Variants in COL9A1 observed in about 807,000 individuals in gnomAD.
COL9A1 encodes collagen alpha-1(IX) chain.
COL9A1 carries 104 observed loss-of-function variants against 142.6 expected under a neutral mutation model. The observed-to-expected ratio is 0.73, with a 90% CI of 0.62 to 0.86. The LOEUF is 0.86. Ranked by LOEUF, COL9A1 falls within the 40% of genes least tolerant of loss-of-function variation. The pLI is 0.00. For synonymous variants in COL9A1, 466 were observed against 396.0 expected (o/e 1.18, Z -2.10); for missense variants, 1,210 against 1,176.6 (o/e 1.03, Z -0.42).
intron 13 of COL9A1, 61 bp downstream of exon 13, chr6:70,272,004 G>A (rs996688560): frequency 1.3e-6 from 2 of 1,511,892 alleles, no homozygotes; most frequent in Non-Finnish European, 1.8e-6. Flanking sequence ...ATAAGGTGGG[G>A]ATTTGAGAAA....
At chr6:70,258,957 T>C (rs9354910) in intron 20 of COL9A1, among the ~76,000 whole-genome samples, 21,223 of 152,178 alleles carry the variant, frequency 0.14, 1,694 homozygotes, top group Non-Finnish European at 0.18. Context: ...ATGGGATCTA[T>C]TGTCTGATAA....
At chr6:70,220,234 C>A (rs1043883589) in intron 37 of COL9A1, among the ~76,000 whole-genome samples, 2 of 152,004 alleles carry the variant, frequency 1.3e-5, no homozygotes, top group African/African-American at 4.8e-5. Context: ...ATTATTGAGC[C>A]CATTTTTCTC....
At chr6:70,247,237 G>T (rs1442554804) in intron 28 of COL9A1, among the ~76,000 whole-genome samples, 1 of 152,182 alleles carries the variant, frequency 6.6e-6, no homozygotes, top group African/African-American at 2.4e-5. Context: ...TTATAAACAA[G>T]TACTGGGTGT....
In COL9A1 at chr6:70,267,319, G is replaced by GTTTTTTTTTTTTTTTTT. The variant is rs1050364230; in HGVS notation, c.1288-550_1288-549insAAAAAAAAAAAAAAAAA. Among the ~76,000 whole-genome samples the GTTTTTTTTTTTTTTTTT allele has an allele frequency of 5.2e-4, 52 of 99,686 alleles. 2 individuals are homozygous for GTTTTTTTTTTTTTTTTT. Among genetic ancestry groups the GTTTTTTTTTTTTTTTTT allele is most frequent in the Non-Finnish European group, 7.9e-4 (36 of 45,704 alleles). 65.4% of individuals were successfully genotyped at this position (99,686 alleles called of 152,430 possible). On this transcript the variant is annotated intron_variant, in intron 17 of 37. Coordinates refer to ENST00000357250, the MANE Select transcript of COL9A1 (RefSeq NM_001851.6). ...TACATTTTTTGTTGTTGTTTGTTTG[G>GTTTTTTTTTTTTTTTTT]TTTTTTTGTTTTTTTTTTTTGAGAT...
intron 28 of COL9A1, chr6:70,246,135 A>G (rs1770589249): frequency 6.6e-6 from 1 of 152,216 alleles, no homozygotes; most frequent in Non-Finnish European, 1.5e-5. Context: ...TAAGAGGCTG[A>G]TGCGGACGGA....
chr6:70,274,259 T>C (rs1431267641), intron 11 of COL9A1, among the ~76,000 whole-genome samples, 177 bp from the exon 12 acceptor site: 1 of 152,018 alleles, frequency 6.6e-6, no homozygotes, highest in Non-Finnish European at 1.5e-5. Flanking sequence ...GTTTGTTACA[T>C]AGGTAAACAT....
In COL9A1 at chr6:70,232,606, G is replaced by A. The variant is rs1769619928; in HGVS notation, c.2480C>T (p.Ala827Val). 1.2e-6 allele frequency: 2 copies of A among 1,614,040 alleles called. No individual in the cohort carries two copies. Among genetic ancestry groups the A allele is most frequent in the Middle Eastern group, 1.7e-4 (1 of 5,982 alleles). Reference sequence around the variant, plus strand: ...ACCTTTAGGTCCCCTCAAACCAAGAGCACCAGGGGGCCCCTTAATGCCCGG... The same window carrying A: ...ACCTTTAGGTCCCCTCAAACCAAGAACACCAGGGGGCCCCTTAATGCCCGG... ...GLPGIKGPPG[A>V]LGLRGPKGDL... The change falls in exon 36 of 38, where the codon GCT becomes GTT. Residue 827 changes from alanine (A) to valine (V), a missense_variant. Ala to Val is a moderately conservative substitution (Grantham distance 64). Coordinates refer to ENST00000357250, the MANE Select transcript of COL9A1 (RefSeq NM_001851.6).
At chr6:70,217,208 A>T in intron 37 of COL9A1, 127 bp from the exon 38 acceptor site, 1 of 795,096 alleles carries the variant, frequency 1.3e-6, no homozygotes, top group Non-Finnish European at 2.1e-6. Flanking sequence ...ATGGATGATG[A>T]CTGGTGATGA....
intron 30 of COL9A1, among the ~76,000 whole-genome samples, chr6:70,241,762 CT>C (rs1311399891): frequency 6.6e-6 from 1 of 152,124 alleles, no homozygotes; most frequent in Non-Finnish European, 1.5e-5. Context: ...CTTTTCTCAG[CT>C]TTTTTTCCTT....
intron 17 of COL9A1, among the ~76,000 whole-genome samples, chr6:70,267,301 TTTG>T (rs1188370464): frequency 6.7e-6 from 1 of 150,306 alleles, no homozygotes; most frequent in Non-Finnish European, 1.5e-5. Context: ...CTGTACATTT[TTTG>T]TTGTTGTTTG....
At chr6:70,239,945 T>C (rs1770136397) in intron 32 of COL9A1, among the ~76,000 whole-genome samples, 1 of 152,234 alleles carries the variant, frequency 6.6e-6, no homozygotes, top group Non-Finnish European at 1.5e-5. Context: ...TTAGATGTTA[T>C]ATTTATATTA....
chr6:70,269,746 C>A, intron 15 of COL9A1, 81 bp from the exon 16 acceptor site: 1 of 849,160 alleles, frequency 1.2e-6, no homozygotes, highest in South Asian at 1.5e-5. Flanking sequence ...GCTCATCAGG[C>A]AAAAGTATAA....
chr6:70,274,232 A>G, intron 11 of COL9A1, 150 bp from the exon 12 acceptor site: 2 of 520,500 alleles, frequency 3.8e-6, no homozygotes, highest in Non-Finnish European at 6.8e-6. Context: ...TCAGGGGTAC[A>G]TGTGCAGGAT....
intron 30 of COL9A1, 69 bp downstream of exon 30, chr6:70,241,895 C>A: frequency 2.1e-6 from 3 of 1,396,764 alleles, no homozygotes; most frequent in Non-Finnish European, 3.0e-6. Context: ...CAAAAGCAAG[C>A]TTTGTTTCTC....
In COL9A1 at chr6:70,294,496, T is replaced by C; in HGVS notation, c.367A>G (p.Thr123Ala). 1 of 1,614,054 alleles carries C rather than the reference T, an allele frequency of 6.2e-7. No individual in the cohort carries two copies. Among genetic ancestry groups the C allele is most frequent in the Non-Finnish European group, 8.5e-7 (1 of 1,179,942 alleles). Residue 123 changes from threonine to alanine, a missense_variant, in exon 5 of 38, where the codon ACT becomes GCT. By Grantham distance (58) the Thr-to-Ala change is moderately conservative. Transcript: ENST00000357250. ...FLTTFRMTGSTLKKNWNIWQI... is the reference protein window; with the variant it reads ...FLTTFRMTGSALKKNWNIWQI... ...CAAATGTTCCAGTTCTTTTTGAGAG[T>C]GCTTCCAGTCATTCGAAACGTCGTC... is the stretch of plus-strand genomic sequence containing the variant.
intron 35 of COL9A1, among the ~76,000 whole-genome samples, chr6:70,234,299 C>CAAAAAAAAAAA (rs1376237848): frequency 1.5e-5 from 2 of 132,018 alleles, no homozygotes. Flanking sequence ...AAAAACAAAA[C>CAAAAAAAAAAA]AAAACAAAAA....
intron 4 of COL9A1, among the ~76,000 whole-genome samples, chr6:70,295,281 C>CTTTTTTTTTTTTTTTTTTTTTTTTT (rs1171549562): frequency 3.2e-5 from 2 of 63,130 alleles, no homozygotes; most frequent in African/African-American, 6.4e-5. Context: ...GTTGTTGCTT[C>CTTTTTTTTTTTTTTTTTTTTTTTTT]TTTTTTTTTT....
chr6:70,302,535 GA>G (rs1431291678), intron 1 of COL9A1, among the ~76,000 whole-genome samples: 1 of 151,924 alleles, frequency 6.6e-6, no homozygotes, highest in African/African-American at 2.4e-5. Context: ...ACCCTACTGA[GA>G]GATGTAAGGA....
intron 37 of COL9A1, among the ~76,000 whole-genome samples, chr6:70,221,834 A>G (rs1275257318): frequency 6.6e-6 from 1 of 152,190 alleles, no homozygotes; most frequent in Non-Finnish European, 1.5e-5. Flanking sequence ...GGCAGCAGAG[A>G]GAGTCTTTGA....
Sources: gnomAD v4.1 joint callset for allele counts (sites outside exome capture counted in the v4.1 genomes callset) on GRCh38, gnomAD v4.1.1 for gene constraint, MANE v1.5 for transcripts, NCBI Gene and HGNC (gene_info 2026-07-23, HGNC 2026-07-21) for gene names.